The following TEX9 variants were observed in gnomAD, a reference collection of about 807,000 sequenced individuals.
TEX9 encodes testis-expressed protein 9.
A neutral mutation model predicts 59.6 loss-of-function variants in TEX9; 74 were observed. The observed-to-expected ratio is 1.24, with a 90% CI of 1.03 to 1.51. TEX9 has a LOEUF of 1.51. TEX9 is among the 40% of genes most tolerant of loss of function. The pLI, the probability that TEX9 is intolerant of heterozygous loss-of-function variation, is 0.00. For synonymous variants in TEX9, 186 were observed against 152.2 expected, an observed-to-expected ratio of 1.22 and a Z score of -1.64; for missense variants, 522 against 447.8, an observed-to-expected ratio of 1.17 and a Z score of -1.49.
chr15:56,371,531 A>G (rs1433340671), intron 2 of TEX9, among the ~76,000 whole-genome samples: 1 of 151,694 alleles, frequency 6.6e-6, no homozygotes, highest in African/African-American at 2.4e-5. Flanking sequence ...TTGTTCTTAT[A>G]GTATAAATTT....
chr15:56,430,919 G>C (rs753582201), intron 12 of TEX9, among the ~76,000 whole-genome samples: 29 of 152,166 alleles, frequency 1.9e-4, no homozygotes, highest in Non-Finnish European at 3.4e-4. Flanking sequence ...CCAGCACTTG[G>C]GGAGGCTGAG....
intron 1 of TEX9, among the ~76,000 whole-genome samples, chr15:56,322,691 T>G (rs892027691): frequency 2.0e-5 from 3 of 152,112 alleles, no homozygotes; most frequent in Admixed American, 1.3e-4. Context: ...CAGGAGCCCA[T>G]GTGTATGAAT....
intron 3 of TEX9, chr15:56,374,128 A>G (rs888968345): frequency 2.0e-5 from 3 of 151,982 alleles, no homozygotes; most frequent in Non-Finnish European, 1.5e-5. Flanking sequence ...ATGTTTTACT[A>G]CAAATATTTT....
chr15:56,296,108 C>G (rs2045211714), intron 1 of TEX9, among the ~76,000 whole-genome samples: 1 of 152,164 alleles, frequency 6.6e-6, no homozygotes, highest in Admixed American at 6.5e-5. Flanking sequence ...TCCTTCTGTT[C>G]CATCTTAAAT....
chr15:56,452,399 G>A, the TEX9 span, among the ~76,000 whole-genome samples: 1 of 152,160 alleles, frequency 6.6e-6, no homozygotes, highest in East Asian at 1.9e-4. Context: ...AGAACTCAGT[G>A]CTCTGGGTTC....
At chr15:56,388,642 A>C (rs1436112488) in intron 5 of TEX9, 122 bp downstream of exon 5, 4 of 715,246 alleles carry the variant, frequency 5.6e-6, no homozygotes, top group African/African-American at 1.8e-5. Context: ...ATGAACCTTG[A>C]TACTCAGAGG....
intron 1 of TEX9, among the ~76,000 whole-genome samples, chr15:56,331,615 A>G (rs2046146315): frequency 1.3e-5 from 2 of 152,188 alleles, no homozygotes; most frequent in Admixed American, 1.3e-4. Flanking sequence ...ATAATAATGG[A>G]AACACACCAT....
intron 10 of TEX9, among the ~76,000 whole-genome samples, chr15:56,414,614 G>A (rs1310720400): frequency 6.6e-6 from 1 of 151,700 alleles, no homozygotes. Context: ...TGGTGTATAC[G>A]TACCAAATTT....
intron 1 of TEX9, among the ~76,000 whole-genome samples, chr15:56,333,694 G>A (rs938202668): frequency 1.6e-4 from 24 of 152,024 alleles, no homozygotes; most frequent in Admixed American, 9.8e-4. Context: ...ACAAGAGAAA[G>A]AAATAAAGGA....
intron 12 of TEX9, among the ~76,000 whole-genome samples, chr15:56,435,334 A>G (rs1392076930): frequency 6.6e-6 from 1 of 152,030 alleles, no homozygotes; most frequent in Non-Finnish European, 1.5e-5. Flanking sequence ...GTAGAAATCA[A>G]TGGAATTAAA....
intron 12 of TEX9, chr15:56,434,529 T>C: frequency 1.0e-6 from 1 of 955,138 alleles, no homozygotes; most frequent in Non-Finnish European, 1.5e-6. Flanking sequence ...AGGCTTTTCA[T>C]GATAACTTTG....
At chr15:56,405,310 GAA>G (rs1221876149) in intron 9 of TEX9, among the ~76,000 whole-genome samples, 33 of 95,972 alleles carry the variant, frequency 3.4e-4, no homozygotes, top group South Asian at 1.1e-3. Flanking sequence ...CCGTCTCAAA[GAA>G]AAAAAAAAAA....
intron 1 of TEX9, among the ~76,000 whole-genome samples, chr15:56,279,098 T>G (rs1210811950): frequency 2.0e-5 from 3 of 152,194 alleles, no homozygotes; most frequent in Non-Finnish European, 4.4e-5. Flanking sequence ...CATATATATA[T>G]TTTTAACTTT....
intron 12 of TEX9, among the ~76,000 whole-genome samples, chr15:56,438,843 C>A (rs1311351314): frequency 1.3e-5 from 2 of 152,106 alleles, no homozygotes; most frequent in African/African-American, 4.8e-5. Flanking sequence ...TATGAATAGA[C>A]ACTTCTCAAA....
the TEX9 span, among the ~76,000 whole-genome samples, chr15:56,452,976 T>C: frequency 6.6e-6 from 1 of 152,220 alleles, no homozygotes; most frequent in Admixed American, 6.5e-5. Flanking sequence ...GTTAACTCTT[T>C]TTTACATGAG....
Position 56,404,346 on chromosome 15 carries a change from A to C in TEX9, c.829-7956A>C, listed in dbSNP as rs372346693. On this transcript the variant is annotated intron_variant, in intron 9 of 12. Transcript: ENST00000352903. ...AAGGATATGAACAGACGCTTCTCAA[A>C]AGAAGACATTTATGCAGCCAAAAGA... Among the ~76,000 whole-genome samples, 3 of 152,348 alleles carry C rather than the reference A, an allele frequency of 2.0e-5. 1 individual carries two copies. The highest frequency in any genetic ancestry group is 6.5e-5 in the Admixed American group (1 of 15,308).
intron 1 of TEX9, among the ~76,000 whole-genome samples, chr15:56,281,351 C>T (rs1332251619): frequency 6.6e-6 from 1 of 152,232 alleles, no homozygotes; most frequent in Admixed American, 6.5e-5. Context: ...CTGGGCTGCA[C>T]AGCAGGAGGG....
intron 1 of TEX9, among the ~76,000 whole-genome samples, chr15:56,301,621 C>T (rs1226502617): frequency 6.6e-6 from 1 of 151,462 alleles, no homozygotes; most frequent in African/African-American, 2.4e-5. Flanking sequence ...CCTTATAGCC[C>T]AGGAGAGAGT....
At chr15:56,418,814 A>G (rs2049828317) in intron 10 of TEX9, among the ~76,000 whole-genome samples, 1 of 151,994 alleles carries the variant, frequency 6.6e-6, no homozygotes, top group South Asian at 2.1e-4. Context: ...TGCTGTGGAA[A>G]GTATATGGTG....
Sources: gnomAD v4.1 joint callset for allele counts (sites outside exome capture counted in the v4.1 genomes callset) on GRCh38, gnomAD v4.1.1 for gene constraint, MANE v1.5 for transcripts, NCBI Gene and HGNC (gene_info 2026-07-23, HGNC 2026-07-21) for gene names.